NEDD9: variants seen among roughly 807,000 people sequenced by gnomAD.
The protein encoded by NEDD9 is neural precursor cell expressed, developmentally down-regulated 9.
A neutral mutation model predicts 76.6 loss-of-function variants in NEDD9; 26 were observed. The observed-to-expected ratio is 0.34, with a 90% CI of 0.25 to 0.47. NEDD9 has a LOEUF of 0.47. Ranked by LOEUF, NEDD9 falls within the 20% of genes least tolerant of loss-of-function variation. The pLI is 1.00. For synonymous variants in NEDD9, 392 were observed against 414.2 expected (o/e 0.95, Z 0.65); for missense variants, 937 against 1,058.5 (o/e 0.89, Z 1.59).
At chr6:11,298,003 G>A (rs569334682) in intron 3 of NEDD9, among the ~76,000 whole-genome samples, 1 of 151,926 alleles carries the variant, frequency 6.6e-6, no homozygotes, top group East Asian at 1.9e-4. Context: ...TGCCTCTGGG[G>A]TTCAAGCAAT....
At position 11,213,432 on chromosome 6, in the gene NEDD9, T is replaced by C. The variant is rs1357369368; in HGVS notation, c.308A>G (p.Asp103Gly). The C allele has an allele frequency of 1.9e-6, 3 of 1,613,908 alleles. No homozygotes were observed. In the African/African-American group the frequency reaches 4.0e-5, roughly 22 times the overall value. ...GGAAGGTGGCACTTGGTAGATGGTGTCTCGGGGAGCAGCCTGTGGGTTTGG... is the reference window on the plus strand; with the variant it reads ...GGAAGGTGGCACTTGGTAGATGGTGCCTCGGGGAGCAGCCTGTGGGTTTGG... ...QVPNPQAAPR[D>G]TIYQVPPSYQ... The change falls in exon 2 of 7, where the codon GAC becomes GGC. Residue 103 changes from aspartate (D) to glycine (G), a missense_variant. Transcript: ENST00000379446. The surrounding 1 kb of genome is among the most constrained non-coding windows in gnomAD (Gnocchi z 5.4).
intron 2 of NEDD9, among the ~76,000 whole-genome samples, chr6:11,306,571 C>T (rs1400769516): frequency 1.3e-5 from 2 of 152,128 alleles, no homozygotes; most frequent in African/African-American, 4.8e-5. Flanking sequence ...ATTTCCTTGC[C>T]TATAACCTAC....
chr6:11,346,479 C>T (rs957996426), intron 1 of NEDD9, among the ~76,000 whole-genome samples: 1 of 142,376 alleles, frequency 7.0e-6, no homozygotes, highest in Non-Finnish European at 1.5e-5. Context: ...GCTCGGAGGC[C>T]CCCCCCCCCG....
chr6:11,325,440 T>G (rs923256395), intron 2 of NEDD9, among the ~76,000 whole-genome samples: 2 of 152,208 alleles, frequency 1.3e-5, no homozygotes, highest in African/African-American at 2.4e-5. Context: ...ACTGTTCTGG[T>G]AAGAATGAAA....
At chr6:11,369,085 T>C (rs947765280) in intron 1 of NEDD9, among the ~76,000 whole-genome samples, 1 of 152,102 alleles carries the variant, frequency 6.6e-6, no homozygotes, top group African/African-American at 2.4e-5. Flanking sequence ...GTGGTACAGG[T>C]TGGATTTGAA....
Position 11,252,012 on chromosome 6 carries a change from G to C in NEDD9, c.13-38285C>G, listed in dbSNP as rs1759924184. 6.6e-6 allele frequency among the ~76,000 whole-genome samples: 1 copy of C among 152,154 alleles called. No individual in the cohort carries two copies. The highest frequency in any genetic ancestry group is 6.5e-5 in the Admixed American group (1 of 15,278). ...GCTTGCACTTCCCATCAATGCAAAAGCATATCTGGGTGCTTTCGCTCCACC... is the reference window on the plus strand; with the variant it reads ...GCTTGCACTTCCCATCAATGCAAAACCATATCTGGGTGCTTTCGCTCCACC... On this transcript the variant is annotated intron_variant, in intron 3 of 3. Transcript: ENST00000397378. The surrounding 1 kb of genome is among the most constrained non-coding windows in gnomAD (Gnocchi z 4.3).
chr6:11,191,458 G>A (rs1468250705), intron 4 of NEDD9, among the ~76,000 whole-genome samples: 1 of 152,116 alleles, frequency 6.6e-6, no homozygotes, highest in Non-Finnish European at 1.5e-5. Context: ...TGTGTTTCCA[G>A]TCCTGTGTTT....
chr6:11,243,611 T>G (rs1759750992), intron 3 of NEDD9, among the ~76,000 whole-genome samples: 1 of 152,230 alleles, frequency 6.6e-6, no homozygotes, highest in Non-Finnish European at 1.5e-5. Context: ...TTATTTCCCC[T>G]GTTATGAAAT....
chr6:11,205,745 G>A (rs1758588832), intron 2 of NEDD9, among the ~76,000 whole-genome samples: 1 of 151,954 alleles, frequency 6.6e-6, no homozygotes, highest in South Asian at 2.1e-4. Flanking sequence ...TCCTGTCTCA[G>A]CCTCCGAAGT....
intron 3 of NEDD9, among the ~76,000 whole-genome samples, chr6:11,294,859 T>C (rs778516331): frequency 6.6e-6 from 1 of 152,204 alleles, no homozygotes; most frequent in Non-Finnish European, 1.5e-5. Context: ...GTATCTCCCA[T>C]AATTCCCACA....
At chr6:11,191,304 C>T (rs1346303825) in intron 4 of NEDD9, 99 bp from the exon 5 acceptor site, 8 of 1,201,530 alleles carry the variant, frequency 6.7e-6, no homozygotes, top group East Asian at 5.0e-5. Context: ...CTTTTTCGGT[C>T]GCCCTCCCCC....
At chr6:11,277,591 G>A (rs896839714) in intron 3 of NEDD9, among the ~76,000 whole-genome samples, 15 of 152,192 alleles carry the variant, frequency 9.9e-5, no homozygotes, top group Non-Finnish European at 2.1e-4. Context: ...CTAGTCCACA[G>A]GGATGAGGCA....
chr6:11,194,293 T>C (rs1220090931), intron 2 of NEDD9, among the ~76,000 whole-genome samples: 15 of 152,234 alleles, frequency 9.9e-5, no homozygotes, highest in African/African-American at 2.4e-5. Context: ...TTCTGAAATA[T>C]ACTTTAAGGG....
Position 11,241,709 on chromosome 6 carries a change from T to C in NEDD9, c.13-27982A>G, listed in dbSNP as rs761179206. On this transcript the variant is annotated intron_variant, in intron 3 of 3. Transcript: ENST00000397378. This position sits in a 1 kb window ranked among gnomAD's most constrained non-coding sequence, Gnocchi z 4.0. ...ACCTCATTTCTTCAGGGGTTGGAGA[T>C]GCATTTTCTCCCCCTTGTGCCTTAA... Among the ~76,000 whole-genome samples the C allele has an allele frequency of 6.6e-6, 1 of 152,082 alleles. No individual in the cohort carries two copies. The highest frequency in any genetic ancestry group is 1.5e-5 in the Non-Finnish European group (1 of 68,000).
At chr6:11,371,501 C>T (rs1224075542) in intron 1 of NEDD9, among the ~76,000 whole-genome samples, 1 of 152,214 alleles carries the variant, frequency 6.6e-6, no homozygotes, top group African/African-American at 2.4e-5. Context: ...TTTTCCAGAA[C>T]GTTCTAGTTA....
intron 5 of NEDD9, 149 bp downstream of exon 5, chr6:11,189,815 A>G (rs575870842): frequency 2.9e-6 from 3 of 1,025,254 alleles, no homozygotes; most frequent in African/African-American, 3.2e-5. Flanking sequence ...TTACTACTCT[A>G]CGACACTCCC....
chr6:11,233,623 TA>T (rs1456683147), upstream of NEDD9, among the ~76,000 whole-genome samples: 1 of 152,208 alleles, frequency 6.6e-6, no homozygotes, highest in Non-Finnish European at 1.5e-5. Context: ...TGAGCCTGGT[TA>T]AAAAGACCAG....
At chr6:11,278,138 G>A (rs1343432558) in intron 3 of NEDD9, among the ~76,000 whole-genome samples, 1 of 151,992 alleles carries the variant, frequency 6.6e-6, no homozygotes, top group Non-Finnish European at 1.5e-5. Context: ...TTCCCCTCCC[G>A]CTTCCTGTCC....
At chr6:11,257,916 CTT>C (rs1327412839) in intron 3 of NEDD9, among the ~76,000 whole-genome samples, 2 of 152,058 alleles carry the variant, frequency 1.3e-5, no homozygotes, top group Non-Finnish European at 2.9e-5. Flanking sequence ...ATGTCCATCT[CTT>C]GTTTTTTGAA....
Sources: allele counts gnomAD v4.1 joint callset (sites outside exome capture counted in the v4.1 genomes callset), GRCh38; gene constraint gnomAD v4.1.1; non-coding constraint Gnocchi (gnomAD v3.1); transcripts MANE v1.5; gene names NCBI Gene and HGNC (gene_info 2026-07-23, HGNC 2026-07-21).